LNX1: variants seen among roughly 807,000 people sequenced by gnomAD.
LNX1 encodes ligand of numb-protein X 1.
Under a neutral mutation model 68.4 loss-of-function variants are expected in LNX1, and 54 were observed. The ratio of observed to expected loss-of-function variants is 0.79; its 90% CI spans 0.63 to 0.99. The LOEUF (loss-of-function observed/expected upper bound fraction) is 0.99. Ranked by LOEUF, LNX1 falls within the 50% of genes least tolerant of loss-of-function variation. LNX1 has a pLI of 0.00. For synonymous variants in LNX1, 336 were observed against 350.0 expected (o/e 0.96, Z 0.45); for missense variants, 906 against 926.4 (o/e 0.98, Z 0.29).
At chr4:53,568,580 C>CGTGCACAAGACAGGG (rs1730887498) in intron 2 of LNX1, among the ~76,000 whole-genome samples, 1 of 147,082 alleles carries the variant, frequency 6.8e-6, no homozygotes, top group South Asian at 2.2e-4. Flanking sequence ...CCTTTGAAAA[C>CGTGCACAAGACAGGG]GGGCACAAGA....
chr4:53,498,928 C>T (rs1725273300), intron 4 of LNX1, 85 bp from the exon 5 acceptor site: 1 of 950,140 alleles, frequency 1.1e-6, no homozygotes, highest in Non-Finnish European at 1.7e-6. Flanking sequence ...CAGTGTCAGC[C>T]AAACTAAACT....
chr4:53,599,938 C>T (rs1302632976), intron 2 of LNX1, among the ~76,000 whole-genome samples: 3 of 152,172 alleles, frequency 2.0e-5, no homozygotes. Context: ...TTGGGAAGAA[C>T]TTGAAAAAGA....
At chr4:53,480,910 T>C (rs1352977122) in intron 7 of LNX1, among the ~76,000 whole-genome samples, 8 of 152,192 alleles carry the variant, frequency 5.3e-5, no homozygotes, top group Admixed American at 2.6e-4. Flanking sequence ...TTACAAGTGA[T>C]GCCATGAAAC....
chr4:53,477,111 G>A lies in LNX1; in HGVS notation c.1664-130C>T, dbSNP rs557931693. 3.4e-4 allele frequency: 261 copies of A among 775,290 alleles called. 1 individual carries two copies. The highest frequency in any genetic ancestry group is 1.7e-3 in the Admixed American group (81 of 47,322). 48.0% of individuals were successfully genotyped at this position (775,290 alleles called of 1,614,324 possible). ...GAGGGCAAAGGTTTTCTTTGTTGACGGGAGGCTGGGTGCTCACATAGCAAA... is the reference window on the plus strand; with the variant it reads ...GAGGGCAAAGGTTTTCTTTGTTGACAGGAGGCTGGGTGCTCACATAGCAAA... On this transcript the variant is annotated intron_variant, in intron 8 of 10. Coordinates refer to ENST00000263925, the MANE Select transcript of LNX1 (RefSeq NM_001126328.3).
intron 1 of LNX1, among the ~76,000 whole-genome samples, chr4:53,639,570 T>C (rs570070541): frequency 1.8e-4 from 28 of 152,156 alleles, no homozygotes; most frequent in Non-Finnish European, 4.1e-4. Context: ...CTGATGAAAA[T>C]GGTGCAAACA....
intron 2 of LNX1, among the ~76,000 whole-genome samples, chr4:53,566,198 A>G (rs1346400701): frequency 6.6e-6 from 1 of 151,974 alleles, no homozygotes; most frequent in South Asian, 2.1e-4. Flanking sequence ...CATAATTGTC[A>G]GATTCACCAA....
chr4:53,464,389 T>C (rs896531634), intron 9 of LNX1, among the ~76,000 whole-genome samples: 17 of 152,150 alleles, frequency 1.1e-4, no homozygotes, highest in Admixed American at 1.0e-3. Flanking sequence ...TAATACTTTA[T>C]CGTTAAATAA....
At chr4:53,461,370 G>T in intron 10 of LNX1, 65 bp downstream of exon 10, 1 of 1,311,372 alleles carries the variant, frequency 7.6e-7, no homozygotes, top group South Asian at 1.3e-5. Context: ...CTCAAATGGG[G>T]CCAAGCTTTG....
intron 2 of LNX1, among the ~76,000 whole-genome samples, chr4:53,514,661 G>GAC (rs10665279): frequency 0.98 from 148,971 of 152,226 alleles, 72,976 homozygotes; most frequent in Middle Eastern, 1. Context: ...TTTGGGTGAG[G>GAC]ACAGTCAAAC....
chr4:53,557,166 G>A (rs1729966362), intron 2 of LNX1, among the ~76,000 whole-genome samples: 1 of 152,168 alleles, frequency 6.6e-6, no homozygotes, highest in South Asian at 2.1e-4. Flanking sequence ...TGCATAAAAT[G>A]GACATGTGTC....
At chr4:53,642,221 CT>C (rs1170767146) in intron 1 of LNX1, among the ~76,000 whole-genome samples, 1 of 92,772 alleles carries the variant, frequency 1.1e-5, no homozygotes, top group Non-Finnish European at 2.0e-5. Flanking sequence ...AAAATCCTAT[CT>C]TAAAAAAAAA....
intron 4 of LNX1, among the ~76,000 whole-genome samples, chr4:53,506,837 C>T (rs61435460): frequency 0.19 from 14,950 of 78,380 alleles, 1,010 homozygotes; most frequent in Middle Eastern, 0.27. Context: ...CCAGCCTGGG[C>T]GACAAGCAAA....
At chr4:53,633,939 C>T (rs1209826102) in intron 1 of LNX1, among the ~76,000 whole-genome samples, 2 of 152,146 alleles carry the variant, frequency 1.3e-5, no homozygotes, top group Non-Finnish European at 2.9e-5. Context: ...CCTAGAGTTC[C>T]TAAAATATGA....
At chr4:53,592,347 G>A (rs2109823244), upstream of LNX1, among the ~76,000 whole-genome samples, 1 of 152,288 alleles carries the variant, frequency 6.6e-6, no homozygotes, top group East Asian at 1.9e-4. Context: ...GTCACTGGTT[G>A]CTTCACCTTT....
rs78285727 is a variant in LNX1 at position 53,555,595 on chromosome 4, A to G, written c.380+18028T>C. Among the ~76,000 whole-genome samples the G allele has an allele frequency of 3.8e-3, 581 of 152,306 alleles. 2 individuals carry two copies. Among genetic ancestry groups the G allele is most frequent in the African/African-American group, 0.013 (558 of 41,564 alleles). On this transcript the variant is annotated intron_variant, in intron 2 of 10. Transcript: ENST00000263925. ...TCCTAGAAAGGAGGTACCATGCCTC[A>G]ATTCTTATTGCCTGGATTCCTTAGA...
intron 2 of LNX1, among the ~76,000 whole-genome samples, chr4:53,515,517 C>A (rs201002899): frequency 5.2e-5 from 7 of 134,638 alleles, no homozygotes; most frequent in Admixed American, 1.4e-4. Context: ...GCCCCCACCC[C>A]ACCAAAAAAA....
At chr4:53,619,774 C>T (rs886847352), upstream of LNX1, among the ~76,000 whole-genome samples, 3 of 152,106 alleles carry the variant, frequency 2.0e-5, no homozygotes, top group Admixed American at 6.6e-5. Flanking sequence ...TTTAATTTTT[C>T]GATGAACTGT....
chr4:53,530,253 T>C (rs1727924590), intron 2 of LNX1, among the ~76,000 whole-genome samples: 1 of 152,028 alleles, frequency 6.6e-6, no homozygotes, highest in Admixed American at 6.6e-5. Flanking sequence ...GAATCGTAAG[T>C]AAAAAAGCCT....
Position 53,459,630 on chromosome 4 carries a change from T to G in LNX1, c.*1277A>C. 1.2e-6 allele frequency: 1 copy of G among 809,330 alleles called. No homozygotes were observed. Among genetic ancestry groups the G allele is most frequent in the Admixed American group, 2.8e-5 (1 of 35,594 alleles). The allele number at this position is 809,330 out of a possible 1,614,324, so 50.1% of individuals were successfully genotyped here. ...TCATGTTAAGTTAAAAATCTTTGTC[T>G]TGTACTATTTCAAAAATAAAAAGAC... On this transcript the variant is annotated 3_prime_UTR_variant, in exon 11 of 11. Coordinates refer to ENST00000263925, the MANE Select transcript of LNX1 (RefSeq NM_001126328.3).
Sources: allele counts gnomAD v4.1 joint callset (sites outside exome capture counted in the v4.1 genomes callset), GRCh38; gene constraint gnomAD v4.1.1; transcripts MANE v1.5; gene names NCBI Gene and HGNC (gene_info 2026-07-23, HGNC 2026-07-21).